PMS1: variants seen among roughly 807,000 people sequenced by gnomAD.
The protein encoded by PMS1 is PMS1 homolog 1, mismatch repair system component.
PMS1 carries 79 observed loss-of-function variants against 93.1 expected under a neutral mutation model. The ratio of observed to expected loss-of-function variants is 0.85; its 90% confidence interval spans 0.71 to 1.02. The LOEUF (loss-of-function observed/expected upper bound fraction) is 1.02. Among genes scored for constraint, PMS1 ranks in the 50% least tolerant of loss-of-function variants. The pLI is 0.00. For missense variants in PMS1, 1,064 were observed against 1,085.3 expected (o/e 0.98, Z 0.28); for synonymous variants, 335 against 363.4 (o/e 0.92, Z 0.89).
chr2:189,825,165 T>C (rs2052320742), intron 5 of PMS1, among the ~76,000 whole-genome samples: 2 of 152,166 alleles, frequency 1.3e-5, no homozygotes, highest in South Asian at 4.1e-4. Context: ...TGAATACTGA[T>C]AATGTTGATG....
rs2106510159 is a variant in PMS1, at chr2:189,864,057, C to T, written c.2171C>T (p.Pro724Leu). The stretch of plus-strand genomic sequence containing the variant: ...GTTGACTTAGAAGAGAAGGATGAAC[C>T]TTGCTTGATCCACAATCTCAGGTTT... The part of the protein sequence containing the change: ...NKVDLEEKDE[P>L]CLIHNLRFPD... The change falls in exon 10 of 13, where the codon CCT (proline) becomes CTT (leucine). Residue 724 changes from proline to leucine, a missense_variant. Physicochemically the swap from Pro to Leu is moderately conservative, Grantham distance 98 (BLOSUM62 -3). Coordinates refer to ENST00000441310, the MANE Select transcript of PMS1 (RefSeq NM_000534.5). 1 of 1,613,164 alleles carries T rather than the reference C, an allele frequency of 6.2e-7. No homozygotes were observed. The highest frequency in any genetic ancestry group is 1.1e-5 in the South Asian group (1 of 91,044).
At chr2:189,829,833 C>T (rs143914665) in intron 5 of PMS1, among the ~76,000 whole-genome samples, 18 of 152,254 alleles carry the variant, frequency 1.2e-4, no homozygotes, top group Non-Finnish European at 1.9e-4. Context: ...CAGAATCTAA[C>T]GACTTTTCAC....
chr2:189,830,615 C>T (rs535524188), intron 5 of PMS1, among the ~76,000 whole-genome samples: 1 of 152,226 alleles, frequency 6.6e-6, no homozygotes, highest in East Asian at 1.9e-4. Context: ...AAGGGAAGGA[C>T]TTTGGCTCTT....
rs970363811 is a variant in PMS1, at chr2:189,805,667, A to G, written c.331A>G (p.Arg111Gly). The change falls in exon 4 of 13, where the codon AGA (arginine) becomes GGA (glycine). Residue 111 changes from arginine to glycine, a missense_variant. By Grantham distance (125) the Arg-to-Gly change is moderately radical (BLOSUM62 -2). Transcript: ENST00000441310. ...CCIAEVLITT[R>G]TAADNFSTQY... ...TTTCCCCCAGGTTTTAATTACAACA[A>G]GAACGGCTGCTGATAATTTTAGCAC... is the stretch of plus-strand genomic sequence containing the variant. The G allele has an allele frequency of 6.2e-7, 1 of 1,613,722 alleles. No homozygotes were observed. Among genetic ancestry groups the G allele is most frequent in the African/African-American group, 1.3e-5 (1 of 74,932 alleles).
chr2:189,806,363 T>C, intron 4 of PMS1: 1 of 284,346 alleles, frequency 3.5e-6, no homozygotes. Flanking sequence ...TGTAATATTA[T>C]TACATTTTAA....
intron 5 of PMS1, among the ~76,000 whole-genome samples, chr2:189,824,382 T>A (rs1483754449): frequency 6.6e-6 from 1 of 152,086 alleles, no homozygotes; most frequent in Non-Finnish European, 1.5e-5. Flanking sequence ...CATTATCCTG[T>A]TTTTATTTTA....
chr2:189,839,140 C>T (rs562064948), intron 5 of PMS1, among the ~76,000 whole-genome samples: 4 of 152,080 alleles, frequency 2.6e-5, no homozygotes, highest in East Asian at 1.9e-4. Context: ...TATGGGTGCC[C>T]GCCACCATGC....
At chr2:189,795,402 C>T (rs1233264) in intron 2 of PMS1, among the ~76,000 whole-genome samples, 8,208 of 152,152 alleles carry the variant, frequency 0.054, 253 homozygotes, top group African/African-American at 0.083. Context: ...CTGTTCTGTT[C>T]TGTTTTGTTT....
At chr2:189,817,599 ATAT>A (rs1247240284) in intron 4 of PMS1, among the ~76,000 whole-genome samples, 15 of 152,318 alleles carry the variant, frequency 9.8e-5, no homozygotes, top group African/African-American at 3.4e-4. Context: ...AGGTTACCAG[ATAT>A]TATTTCAGGT....
intron 9 of PMS1, among the ~76,000 whole-genome samples, chr2:189,861,167 G>C (rs2055950873): frequency 6.6e-6 from 1 of 150,840 alleles, no homozygotes; most frequent in Non-Finnish European, 1.5e-5. Context: ...AGCCCTTTAG[G>C]GTTAAAAGAA....
At chr2:189,874,998 A>G (rs895859196) in intron 12 of PMS1, among the ~76,000 whole-genome samples, 1 of 151,976 alleles carries the variant, frequency 6.6e-6, no homozygotes, top group East Asian at 1.9e-4. Flanking sequence ...TGTTAAGGTA[A>G]TAGTGGTATA....
At position 189,844,655 on chromosome 2, in the gene PMS1, A is replaced by AAAAAAAC. The variant is rs1324118407; in HGVS notation, c.699+581_699+582insCAAAAAA. ...TGAGATTCCATCTCAAAAAAAAAAA[A>AAAAAAAC]AAAAAAAACTGTTTTCCCCCACCTT... On this transcript the variant is annotated intron_variant, in intron 6 of 12. Coordinates refer to ENST00000441310, the MANE Select transcript of PMS1 (RefSeq NM_000534.5). Among the ~76,000 whole-genome samples the AAAAAAAC allele has an allele frequency of 1.2e-3, 186 of 151,124 alleles. 2 individuals carry two copies. Among genetic ancestry groups the AAAAAAAC allele is most frequent in the African/African-American group, 4.5e-3 (184 of 41,186 alleles).
chr2:189,831,944 T>C (rs906647955), intron 5 of PMS1, among the ~76,000 whole-genome samples: 3 of 152,120 alleles, frequency 2.0e-5, no homozygotes, highest in Non-Finnish European at 2.9e-5. Flanking sequence ...TTGGCCAGGC[T>C]GGTCTCAAAC....
chr2:189,829,432 T>A (rs941789767), intron 5 of PMS1, among the ~76,000 whole-genome samples: 1 of 152,182 alleles, frequency 6.6e-6, no homozygotes, highest in Non-Finnish European at 1.5e-5. Flanking sequence ...TTCCTACTGC[T>A]TTTTAACTGT....
intron 6 of PMS1, among the ~76,000 whole-genome samples, chr2:189,849,971 T>G (rs1441710489): frequency 6.6e-6 from 1 of 151,724 alleles, no homozygotes; most frequent in East Asian, 1.9e-4. Context: ...TTTTCAGTCC[T>G]TATTTCTGTA....
At chr2:189,819,274 A>G (rs2051608866) in intron 5 of PMS1, among the ~76,000 whole-genome samples, 1 of 152,050 alleles carries the variant, frequency 6.6e-6, no homozygotes, top group Non-Finnish European at 1.5e-5. Context: ...CATTTTCTTT[A>G]TCCATTTATA....
At chr2:189,826,658 A>T (rs1295436352) in intron 5 of PMS1, among the ~76,000 whole-genome samples, 1 of 152,130 alleles carries the variant, frequency 6.6e-6, no homozygotes, top group African/African-American at 2.4e-5. Flanking sequence ...CCTCAGTAGG[A>T]CATTATTCCT....
chr2:189,799,933 C>G (rs1235819079), intron 3 of PMS1, among the ~76,000 whole-genome samples: 2 of 152,228 alleles, frequency 1.3e-5, no homozygotes, highest in African/African-American at 4.8e-5. Flanking sequence ...ATCTCCATCT[C>G]AGAATGAGCT....
In PMS1 at chr2:189,854,645, T is replaced by C. The variant is rs1244407512; in HGVS notation, c.1373T>C (p.Phe458Ser). 1 of 1,613,868 alleles carries C rather than the reference T, an allele frequency of 6.2e-7. No individual in the cohort carries two copies. The highest frequency in any genetic ancestry group is 2.2e-5 in the East Asian group (1 of 44,850). The change falls in exon 9 of 13, where the codon TTT becomes TCT. Residue 458 changes from phenylalanine (F) to serine (S), a missense_variant. Transcript: ENST00000441310. ...CAGACGGAATATAGTAAAACTTGTT[T>C]TATAAGTTCCGTTAAGCACACCCAG... is the stretch of plus-strand genomic sequence containing the variant. ...NSQTEYSKTC[F>S]ISSVKHTQSE...
Sources: allele counts gnomAD v4.1 joint callset (sites outside exome capture counted in the v4.1 genomes callset), GRCh38; gene constraint gnomAD v4.1.1; transcripts MANE v1.5; gene names NCBI Gene and HGNC (gene_info 2026-07-23, HGNC 2026-07-21).